LRCH2: variants seen among roughly 807,000 people sequenced by gnomAD.
LRCH2 encodes the protein leucine rich repeats and calponin homology domain containing 2.
LRCH2 carries 38 observed loss-of-function variants against 68.9 expected under a neutral mutation model. That is an observed-to-expected ratio of 0.55 (90% CI 0.43 to 0.72). LRCH2 has a LOEUF of 0.72. Among genes scored for constraint, LRCH2 ranks in the 30% least tolerant of loss-of-function variants. The probability of loss-of-function intolerance (pLI) is 0.00; values close to 1 mark genes in which losing one functional copy is unlikely to be tolerated. For synonymous variants in LRCH2, 191 were observed against 208.1 expected, an observed-to-expected ratio of 0.92 and a Z score of 0.71; for missense variants, 528 against 572.9, an observed-to-expected ratio of 0.92 and a Z score of 0.80.
At chrX:115,187,821 C>A (rs1440840965) in intron 2 of LRCH2, among the ~76,000 whole-genome samples, 1 of 112,734 alleles carries the variant, frequency 8.9e-6, no homozygotes, top group Non-Finnish European at 1.9e-5. Flanking sequence ...CTGTTTGTTT[C>A]ACATATCTAA....
chrX:115,130,005 T>C (rs782394554), intron 15 of LRCH2, 150 bp downstream of exon 15: 2 of 359,228 alleles, frequency 5.6e-6, no homozygotes, highest in African/African-American at 2.7e-5. Context: ...AATTGTATGA[T>C]GATGCTCATA....
At chrX:115,124,054 T>C (rs1321253681) in intron 16 of LRCH2, 52 bp from the exon 17 acceptor site, 2 of 732,901 alleles carry the variant, frequency 2.7e-6, no homozygotes, top group Non-Finnish European at 3.8e-6. Context: ...ACTTCTTTTC[T>C]TTCAAAATAA....
At chrX:115,155,389 T>C (rs1461168583) in intron 12 of LRCH2, among the ~76,000 whole-genome samples, 1 of 110,275 alleles carries the variant, frequency 9.1e-6, no homozygotes, top group Non-Finnish European at 1.9e-5. Flanking sequence ...AGAGCACATG[T>C]ATACCTAGTA....
intron 12 of LRCH2, among the ~76,000 whole-genome samples, chrX:115,153,335 T>A (rs1485848188): frequency 9.3e-6 from 1 of 107,845 alleles, no homozygotes; most frequent in Non-Finnish European, 1.9e-5. Flanking sequence ...AAAAAAAAAA[T>A]TTAAAAAAAG....
chrX:115,122,516 A>C lies in LRCH2; in HGVS notation c.2178+11T>G. On this transcript the variant is annotated intron_variant, in intron 20 of 20. Transcript: ENST00000317135. ...TTTAAGTGATCACGTTGTTAGATAAATAACAATTACCTGTGAGACACCCAA... is the reference window on the plus strand; with the variant it reads ...TTTAAGTGATCACGTTGTTAGATAACTAACAATTACCTGTGAGACACCCAA... 8.4e-7 allele frequency: 1 copy of C among 1,186,863 alleles called. No individual in the cohort carries two copies. The highest frequency in any genetic ancestry group is 1.1e-6 in the Non-Finnish European group (1 of 875,653).
intron 1 of LRCH2, among the ~76,000 whole-genome samples, chrX:115,208,331 T>C (rs1216295560): frequency 8.9e-6 from 1 of 112,089 alleles, no homozygotes; most frequent in African/African-American, 3.2e-5. Flanking sequence ...ACCACTAAGC[T>C]GTTTTTCTTG....
chrX:115,141,200 T>C (rs1444287466), intron 14 of LRCH2, among the ~76,000 whole-genome samples: 1 of 105,914 alleles, frequency 9.4e-6, no homozygotes, highest in Non-Finnish European at 1.9e-5. Context: ...ATCACGCCAC[T>C]GGGTGACAGA....
At chrX:115,122,204 CAAAA>C in intron 20 of LRCH2, among the ~76,000 whole-genome samples, 1 of 49,110 alleles carries the variant, frequency 2.0e-5, no homozygotes, top group African/African-American at 7.8e-5. Flanking sequence ...TGTTCTCTAG[CAAAA>C]AAAAAAAAAA....
intron 20 of LRCH2, among the ~76,000 whole-genome samples, chrX:115,120,923 A>G (rs1487953200): frequency 3.8e-5 from 4 of 105,143 alleles, no homozygotes; most frequent in Non-Finnish European, 7.8e-5. Flanking sequence ...TCGCAAGAAC[A>G]AAAAACCAAA....
intron 14 of LRCH2, among the ~76,000 whole-genome samples, chrX:115,132,556 CA>C (rs1380562857): frequency 2.1e-4 from 23 of 111,976 alleles, no homozygotes; most frequent in African/African-American, 7.5e-4. Flanking sequence ...CCTGATATCT[CA>C]GCCAAAAACT....
chrX:115,190,211 G>A, intron 1 of LRCH2: 1 of 1,166,486 alleles, frequency 8.6e-7, no homozygotes, highest in Non-Finnish European at 1.1e-6. Flanking sequence ...CCTGCGCTCA[G>A]AGACTACAGC....
rs782418327 is a variant in LRCH2, at chrX:115,190,723, G to A, written c.350-2353C>T. ...AGAAGGCCGCTATGAGGAGTACCGA[G>A]GCCGCTCACACGAGGCCCGCAGCGG... On this transcript the variant is annotated intron_variant, in intron 1 of 20. Transcript: ENST00000317135. 2.9e-5 allele frequency: 34 copies of A among 1,164,013 alleles called. No homozygotes were observed. Among genetic ancestry groups the A allele is most frequent in the South Asian group, 2.7e-4 (14 of 52,513 alleles).
chrX:115,185,520 C>T (rs112612777), intron 2 of LRCH2, among the ~76,000 whole-genome samples: 3,086 of 111,552 alleles, frequency 0.028, 102 homozygotes, highest in African/African-American at 0.095. Context: ...CACTGGTAAG[C>T]GATAAGCTAT....
chrX:115,118,233 G>GT (rs1556524707), intron 20 of LRCH2, among the ~76,000 whole-genome samples: 1 of 109,211 alleles, frequency 9.2e-6, no homozygotes, highest in Admixed American at 9.9e-5. Context: ...CCAGGAGCTG[G>GT]TTTTTTGAAA....
At chrX:115,140,966 C>T (rs1200250447) in intron 14 of LRCH2, among the ~76,000 whole-genome samples, 2 of 111,031 alleles carry the variant, frequency 1.8e-5, no homozygotes, top group African/African-American at 3.3e-5. Flanking sequence ...GGCGTGGTAG[C>T]TCATGCCTGT....
At chrX:115,130,297 T>C in intron 14 of LRCH2, 98 bp from the exon 15 acceptor site, 1 of 427,242 alleles carries the variant, frequency 2.3e-6, no homozygotes, top group Non-Finnish European at 3.9e-6. Flanking sequence ...TTGGTAGCTT[T>C]ATTACATTAC....
rs1556579327 is a variant in LRCH2 at position 115,233,905 on chromosome X, A to G, written c.137T>C (p.Leu46Pro). The change falls in exon 1 of 21, where the codon CTG becomes CCG. Residue 46 changes from leucine to proline, a missense_variant. Transcript: ENST00000317135. ...AGTCGGTACCGGGATGGGGACCACC[A>G]GGGTCCCGCCGCCGCCGCCGCCTCC... Reference protein sequence around the residue: ...GGGGGGGGGTLVVPIPVPTLF... With the variant: ...GGGGGGGGGTPVVPIPVPTLF... The G allele has an allele frequency of 8.6e-7, 1 of 1,164,000 alleles. No homozygotes were observed. The highest frequency in any genetic ancestry group is 3.3e-5 in the East Asian group (1 of 30,649).
In LRCH2 at chrX:115,191,066, G is replaced by A. The variant is rs2072805119; in HGVS notation, c.350-2696C>T. ...CACAGCAGTTCCAGCAACAGTTACG[G>A]CCAGAGCCACCGCTATGGAGGAGAA... On this transcript the variant is annotated intron_variant, in intron 1 of 20. Coordinates refer to ENST00000317135, the MANE Select transcript of LRCH2 (RefSeq NM_020871.4). 6.0e-6 allele frequency: 7 copies of A among 1,165,950 alleles called. No individual in the cohort carries two copies. In the South Asian group the frequency reaches 7.6e-5, roughly 13 times the overall value.
intron 1 of LRCH2, chrX:115,190,272 C>T (rs964826250): frequency 7.8e-6 from 9 of 1,151,041 alleles, no homozygotes; most frequent in African/African-American, 7.2e-5. Context: ...CCTTGAGAGG[C>T]GACGGCAACC....
Sources: allele counts gnomAD v4.1 joint callset (sites outside exome capture counted in the v4.1 genomes callset), GRCh38; gene constraint gnomAD v4.1.1; transcripts MANE v1.5; gene names NCBI Gene and HGNC (gene_info 2026-07-23, HGNC 2026-07-21).